Variants in RYR2 observed in about 807,000 individuals in gnomAD.
RYR2 encodes the protein ryanodine receptor 2.
In RYR2, 227 loss-of-function variants were observed where a neutral mutation model predicts 601.1. The observed-to-expected ratio is 0.38, with a 90% CI of 0.34 to 0.42. The LOEUF is 0.42. Among genes scored for constraint, RYR2 ranks in the 10% least tolerant of loss-of-function variants. The pLI, the probability that RYR2 is intolerant of heterozygous loss-of-function variation, is 1.00. For missense variants in RYR2, 4,646 were observed against 6,156.5 expected (o/e 0.75, Z 8.21); for synonymous variants, 2,223 against 2,175.1 (o/e 1.02, Z -0.61).
intron 8 of RYR2, among the ~76,000 whole-genome samples, chr1:237,381,084 A>G (rs557157660): frequency 2.0e-5 from 3 of 151,796 alleles, no homozygotes; most frequent in South Asian, 4.2e-4. Context: ...ATCTCAAAAG[A>G]AAAAAAAGAA....
rs1170480279 is a variant in RYR2, at chr1:237,702,208, C to T, written c.9449+149C>T. On this transcript the variant is annotated intron_variant, in intron 66 of 104. Transcript: ENST00000366574. ...AATTCCTTGGAAGTAATTAGACAAT[C>T]TTTAAACAAAATAAGAATTGATATA... 3 of 574,946 alleles carry T rather than the reference C, an allele frequency of 5.2e-6. No homozygotes were observed. In the Admixed American group the frequency reaches 9.0e-5, roughly 17 times the overall value. 35.6% of individuals were successfully genotyped at this position (574,946 alleles called of 1,614,324 possible).
chr1:237,187,843 C>T (rs1225675512), intron 1 of RYR2, among the ~76,000 whole-genome samples: 1 of 152,144 alleles, frequency 6.6e-6, no homozygotes, highest in African/African-American at 2.4e-5. Context: ...ATTTTAAGAA[C>T]CTAAGTACAC....
chr1:237,407,026 AT>A (rs1703969763), intron 10 of RYR2, among the ~76,000 whole-genome samples: 1 of 152,126 alleles, frequency 6.6e-6, no homozygotes, highest in South Asian at 2.1e-4. Context: ...CTGAAAAAAT[AT>A]TTATTTTACT....
chr1:237,650,257 C>T (rs1380890879), intron 50 of RYR2, among the ~76,000 whole-genome samples, 160 bp downstream of exon 50: 3 of 152,164 alleles, frequency 2.0e-5, no homozygotes, highest in African/African-American at 4.8e-5. Flanking sequence ...CTTCTCTGAT[C>T]GCCCTTGCTC....
chr1:237,423,396 C>A, intron 12 of RYR2, 148 bp downstream of exon 12: 1 of 986,746 alleles, frequency 1.0e-6, no homozygotes, highest in Non-Finnish European at 1.5e-6. Flanking sequence ...TCCATACATT[C>A]CTCTCTGGTA....
intron 68 of RYR2, among the ~76,000 whole-genome samples, chr1:237,707,666 T>C (rs1422018723): frequency 2.0e-5 from 3 of 152,210 alleles, no homozygotes; most frequent in Non-Finnish European, 2.9e-5. Flanking sequence ...AATTATTGCA[T>C]TATTTGTATT....
chr1:237,439,396 G>T (rs1248804066), intron 12 of RYR2, among the ~76,000 whole-genome samples: 1 of 152,150 alleles, frequency 6.6e-6, no homozygotes, highest in Non-Finnish European at 1.5e-5. Context: ...TGTAATCCCT[G>T]CCCTTTGGGA....
chr1:237,811,892 A>C (rs1055885959), intron 100 of RYR2, among the ~76,000 whole-genome samples: 5 of 152,190 alleles, frequency 3.3e-5, no homozygotes, highest in African/African-American at 1.2e-4. Flanking sequence ...TCAGAGCTGA[A>C]AGGACTCTGA....
chr1:237,356,150 TTA>T (rs1458990952), intron 4 of RYR2, among the ~76,000 whole-genome samples, 165 bp downstream of exon 4: 4 of 152,168 alleles, frequency 2.6e-5, no homozygotes, highest in Non-Finnish European at 5.9e-5. Context: ...AATGAGAACC[TTA>T]TGTTTCTGGT....
chr1:237,775,001 A>G (rs1694544918), intron 87 of RYR2, among the ~76,000 whole-genome samples: 1 of 150,792 alleles, frequency 6.6e-6, no homozygotes, highest in Non-Finnish European at 1.5e-5. Flanking sequence ...GTCATAGAAC[A>G]CAGATTTCTA....
intron 12 of RYR2, among the ~76,000 whole-genome samples, chr1:237,432,222 C>G (rs1180444344): frequency 2.6e-5 from 4 of 151,468 alleles, no homozygotes; most frequent in African/African-American, 9.7e-5. Flanking sequence ...AAAAAAAATG[C>G]CTTTTACAGT....
intron 5 of RYR2, among the ~76,000 whole-genome samples, chr1:237,368,311 A>T (rs1464122738): frequency 1.3e-5 from 2 of 152,200 alleles, no homozygotes; most frequent in Admixed American, 1.3e-4. Flanking sequence ...CTTCAATTAC[A>T]CTAATAGAAA....
intron 1 of RYR2, among the ~76,000 whole-genome samples, chr1:237,260,697 G>A (rs558260878): frequency 3.9e-5 from 6 of 152,222 alleles, no homozygotes; most frequent in South Asian, 4.1e-4. Flanking sequence ...AATAAAACAC[G>A]TTAATTCTCA....
At chr1:237,261,832 C>T (rs1688558720) in intron 1 of RYR2, among the ~76,000 whole-genome samples, 1 of 152,166 alleles carries the variant, frequency 6.6e-6, no homozygotes, top group African/African-American at 2.4e-5. Context: ...CTCAACTTCC[C>T]CCAGGCTAGT....
rs181246774 is a variant in RYR2 at position 237,446,664 on chromosome 1, T to C, written c.1292+1142T>C. 2.6e-4 allele frequency among the ~76,000 whole-genome samples: 40 copies of C among 152,306 alleles called. No individual in the cohort carries two copies. The East Asian group carries it at 6.4e-3, about 24-fold the overall frequency. On this transcript the variant is annotated intron_variant, in intron 14 of 104. Transcript: ENST00000366574. The stretch of plus-strand genomic sequence containing the variant: ...CATACACACTGTGTGTATATGTGTG[T>C]GTGCCTGTATGTAACCAAAAAATGT...
At chr1:237,089,864 T>C (rs1666765463) in intron 1 of RYR2, among the ~76,000 whole-genome samples, 1 of 152,208 alleles carries the variant, frequency 6.6e-6, no homozygotes, top group Non-Finnish European at 1.5e-5. Context: ...AAGGCTGGTG[T>C]GGTCGGCTGA....
intron 1 of RYR2, among the ~76,000 whole-genome samples, chr1:237,117,111 G>T (rs1263770039): frequency 6.6e-6 from 1 of 152,150 alleles, no homozygotes; most frequent in Non-Finnish European, 1.5e-5. Context: ...GTCATGGAAG[G>T]CTGTGTCTTT....
At chr1:237,341,537 C>T in intron 3 of RYR2, 2 of 433,878 alleles carry the variant, frequency 4.6e-6, no homozygotes, top group Non-Finnish European at 9.5e-6. Context: ...CTGTTTATTG[C>T]CTTCCTATCC....
At chr1:237,271,418 G>A (rs1689673303) in intron 2 of RYR2, among the ~76,000 whole-genome samples, 1 of 152,046 alleles carries the variant, frequency 6.6e-6, no homozygotes, top group Non-Finnish European at 1.5e-5. Flanking sequence ...GATATGTTTT[G>A]ATTAATTATT....
Sources: allele counts gnomAD v4.1 joint callset (sites outside exome capture counted in the v4.1 genomes callset), GRCh38; gene constraint gnomAD v4.1.1; transcripts MANE v1.5; gene names NCBI Gene and HGNC (gene_info 2026-07-23, HGNC 2026-07-21).